Variants in KCNK13 observed in about 807,000 individuals in gnomAD.
KCNK13 encodes the protein potassium channel subfamily K member 13.
A neutral mutation model predicts 23.4 loss-of-function variants in KCNK13; 12 were observed. The ratio of observed to expected loss-of-function variants is 0.51; its 90% confidence interval spans 0.33 to 0.83. The LOEUF (loss-of-function observed/expected upper bound fraction) is 0.83, where lower values mean the gene tolerates loss of function less well. Ranked by LOEUF, KCNK13 falls within the 40% of genes least tolerant of loss-of-function variation. The pLI is 0.02. For synonymous variants in KCNK13, 231 were observed against 229.5 expected (o/e 1.01, Z -0.06); for missense variants, 463 against 556.3 (o/e 0.83, Z 1.69).
chr14:90,090,033 T>C (rs1889323623), intron 1 of KCNK13, among the ~76,000 whole-genome samples: 1 of 152,108 alleles, frequency 6.6e-6, no homozygotes, highest in East Asian at 1.9e-4. Context: ...AAGTGTGGGG[T>C]TGTAGCCCCA....
chr14:90,173,571 G>C (rs975774909), intron 1 of KCNK13, among the ~76,000 whole-genome samples: 8 of 152,130 alleles, frequency 5.3e-5, no homozygotes, highest in Admixed American at 3.3e-4. Flanking sequence ...AGTAAGGCCA[G>C]ATATCCACAC....
chr14:90,083,920 AC>A (rs1241743678), intron 1 of KCNK13, among the ~76,000 whole-genome samples: 1 of 152,196 alleles, frequency 6.6e-6, no homozygotes, highest in African/African-American at 2.4e-5. Context: ...AGCACACTTG[AC>A]AAAAATCACT....
chr14:90,146,218 C>A (rs76792765), intron 1 of KCNK13, among the ~76,000 whole-genome samples: 9,882 of 152,118 alleles, frequency 0.065, 418 homozygotes, highest in South Asian at 0.21. Context: ...TATAGAAGAT[C>A]TTCTTAGAAT....
chr14:90,137,664 G>C (rs1015914913), intron 1 of KCNK13, among the ~76,000 whole-genome samples: 1 of 152,084 alleles, frequency 6.6e-6, no homozygotes, highest in Non-Finnish European at 1.5e-5. Context: ...AATGAAAGAA[G>C]GCTATTAGTT....
At chr14:90,070,670 G>A (rs186026762) in intron 1 of KCNK13, among the ~76,000 whole-genome samples, 123 of 152,128 alleles carry the variant, frequency 8.1e-4, no homozygotes, top group African/African-American at 2.5e-3. Flanking sequence ...TCCAGATTCC[G>A]TAAGAATGCA....
chr14:90,077,154 T>C (rs1376869215), intron 1 of KCNK13, among the ~76,000 whole-genome samples: 1 of 142,714 alleles, frequency 7.0e-6, no homozygotes, highest in Non-Finnish European at 1.5e-5. Context: ...AGTTTCTCTC[T>C]CATTGCCCAG....
intron 1 of KCNK13, among the ~76,000 whole-genome samples, chr14:90,111,616 A>G (rs1889616109): frequency 6.6e-6 from 1 of 152,028 alleles, no homozygotes; most frequent in African/African-American, 2.4e-5. Context: ...GTTGACCTGC[A>G]CTTCTTTGGA....
chr14:90,166,794 G>C (rs772946628), intron 1 of KCNK13, among the ~76,000 whole-genome samples: 1 of 152,140 alleles, frequency 6.6e-6, no homozygotes, highest in African/African-American at 2.4e-5. Context: ...GCAGAGGCAG[G>C]GTGAGTCCTC....
chr14:90,183,210 G>C (rs75215939), intron 1 of KCNK13, among the ~76,000 whole-genome samples: 1 of 152,108 alleles, frequency 6.6e-6, no homozygotes, highest in Non-Finnish European at 1.5e-5. Context: ...CAAAATGAAC[G>C]TTTTATAGTT....
At chr14:90,182,919 G>C (rs548034508) in intron 1 of KCNK13, among the ~76,000 whole-genome samples, 1 of 151,678 alleles carries the variant, frequency 6.6e-6, no homozygotes, top group South Asian at 2.1e-4. Context: ...TTTTTTAATG[G>C]TGTTTGTAGT....
chr14:90,092,533 G>A (rs563533306), intron 1 of KCNK13, among the ~76,000 whole-genome samples: 1 of 152,280 alleles, frequency 6.6e-6, no homozygotes, highest in Admixed American at 6.5e-5. Context: ...GAGCATTTTG[G>A]AGGAGCAGGA....
At chr14:90,063,670 G>A (rs1425874472) in intron 1 of KCNK13, among the ~76,000 whole-genome samples, 2 of 152,174 alleles carry the variant, frequency 1.3e-5, no homozygotes, top group Admixed American at 1.3e-4. Context: ...AGAAGAGCTC[G>A]CTGGTGAGGT....
intron 1 of KCNK13, among the ~76,000 whole-genome samples, chr14:90,108,950 G>A (rs1170767776): frequency 6.6e-6 from 1 of 152,116 alleles, no homozygotes; most frequent in Non-Finnish European, 1.5e-5. Flanking sequence ...GCCGAGGCAG[G>A]CAGATCACGA....
At position 90,066,152 on chromosome 14, in the gene KCNK13, T is replaced by TTA. The variant is rs545778924; in HGVS notation, c.334+3614_334+3615insAT. 1.8e-3 allele frequency among the ~76,000 whole-genome samples: 269 copies of TTA among 150,404 alleles called. 1 individual carries two copies. Among genetic ancestry groups the TTA allele is most frequent in the African/African-American group, 6.2e-3 (253 of 40,882 alleles). On this transcript the variant is annotated intron_variant, in intron 1 of 1. Coordinates refer to ENST00000282146, the MANE Select transcript of KCNK13 (RefSeq NM_022054.4). ...CTAATTTTTGTATTTTTTTTTTTTTTTTTAGTGGAGATGGGGTTTTGACAT... is the reference window on the plus strand; with the variant it reads ...CTAATTTTTGTATTTTTTTTTTTTTTTATTTAGTGGAGATGGGGTTTTGACAT...
At chr14:90,109,057 G>T (rs997714864) in intron 1 of KCNK13, among the ~76,000 whole-genome samples, 1 of 151,866 alleles carries the variant, frequency 6.6e-6, no homozygotes, top group Admixed American at 6.6e-5. Flanking sequence ...GGCGCCTGTA[G>T]TCCCAGCTAC....
At chr14:90,110,066 C>G (rs971524383) in intron 1 of KCNK13, among the ~76,000 whole-genome samples, 1 of 152,106 alleles carries the variant, frequency 6.6e-6, no homozygotes, top group African/African-American at 2.4e-5. Context: ...CACTAAATGC[C>G]GATCCTTGTG....
chr14:90,168,326 A>C (rs770241616), intron 1 of KCNK13, among the ~76,000 whole-genome samples: 52 of 152,130 alleles, frequency 3.4e-4, no homozygotes, highest in Non-Finnish European at 5.9e-4. Context: ...AGCTGAGGTC[A>C]CACCACTGCA....
intron 1 of KCNK13, among the ~76,000 whole-genome samples, chr14:90,077,635 C>T (rs1286910): frequency 0.49 from 74,434 of 152,060 alleles, 18,594 homozygotes; most frequent in Non-Finnish European, 0.52. Flanking sequence ...GTCTGATGGC[C>T]GTCTGCTGAC....
intron 1 of KCNK13, among the ~76,000 whole-genome samples, chr14:90,097,071 A>G (rs1415736447): frequency 6.6e-6 from 1 of 152,096 alleles, no homozygotes; most frequent in East Asian, 1.9e-4. Context: ...ATGAAACTCA[A>G]ACCTTGTTTT....
Sources: allele counts gnomAD v4.1 joint callset (sites outside exome capture counted in the v4.1 genomes callset), GRCh38; gene constraint gnomAD v4.1.1; transcripts MANE v1.5; gene names NCBI Gene and HGNC (gene_info 2026-07-23, HGNC 2026-07-21).